The following CDCA7 variants were observed in gnomAD, a reference collection of about 807,000 sequenced individuals.
CDCA7 encodes the protein cell division cycle-associated protein 7.
In CDCA7, 28 loss-of-function variants were observed where a neutral mutation model predicts 54.0. The observed-to-expected ratio is 0.52, with a 90% CI of 0.38 to 0.71. CDCA7 has a LOEUF of 0.71. Among genes scored for constraint, CDCA7 ranks in the 30% least tolerant of loss-of-function variants. The pLI is 0.00. For missense variants in CDCA7, 484 were observed against 586.0 expected, an observed-to-expected ratio of 0.83 and a Z score of 1.80; for synonymous variants, 180 against 208.2, an observed-to-expected ratio of 0.86 and a Z score of 1.16.
chr2:173,355,706 G>A (rs1446702165), intron 1 of CDCA7, among the ~76,000 whole-genome samples: 1 of 137,240 alleles, frequency 7.3e-6, no homozygotes, highest in Non-Finnish European at 1.5e-5. Flanking sequence ...ACTCTTAGCT[G>A]CAGGACGTTG....
At chr2:173,358,652 A>T in intron 1 of CDCA7, 60 bp from the exon 2 acceptor site, 1 of 1,560,070 alleles carries the variant, frequency 6.4e-7, no homozygotes, top group Non-Finnish European at 8.7e-7. Context: ...AAAAAAAATG[A>T]TGTCTTTAGT....
In CDCA7 at chr2:173,367,930, C is replaced by T. The variant is rs540776245; in HGVS notation, c.*266C>T. The T allele has an allele frequency of 7.3e-4, 365 of 500,746 alleles. No homozygotes were observed. Among genetic ancestry groups the T allele is most frequent in the East Asian group, 8.5e-4 (27 of 31,746 alleles). The allele number at this position is 500,746 out of a possible 1,614,324, so 31.0% of individuals were successfully genotyped here. A position where few individuals can be genotyped will look rare whatever the true frequency, so the allele number is the denominator to read the frequency against. On this transcript the variant is annotated 3_prime_UTR_variant, in exon 10 of 10. Coordinates refer to ENST00000306721, the MANE Select transcript of CDCA7 (RefSeq NM_031942.5). ...TCTATTTCCAATGCTCCTCTCCAAC[C>T]GCTTAGTTTCTGAATTTCTTTTAAA...
At chr2:173,355,369 A>G (rs913472630) in intron 1 of CDCA7, among the ~76,000 whole-genome samples, 10 of 152,186 alleles carry the variant, frequency 6.6e-5, no homozygotes, top group African/African-American at 2.4e-4. Flanking sequence ...GCAGCGGCCC[A>G]GCCCTTTCCC....
In CDCA7 at chr2:173,366,279, G is replaced by A. The variant is rs377327972; in HGVS notation, c.1036-4G>A. On this transcript the variant is annotated splice_polypyrimidine_tract_variant and splice_region_variant and intron_variant, in intron 7 of 9. Coordinates refer to ENST00000306721, the MANE Select transcript of CDCA7 (RefSeq NM_031942.5). This position sits in a 1 kb window ranked among gnomAD's most constrained non-coding sequence, Gnocchi z 4.5. ...TGTTTTTTTTCTTAATGGCTTATTT[G>A]TAGGGCTCTACTTGTCATCAATGCC... 1.9e-6 allele frequency: 3 copies of A among 1,585,620 alleles called. No individual in the cohort carries two copies. The highest frequency in any genetic ancestry group is 2.6e-6 in the Non-Finnish European group (3 of 1,167,624).
At position 173,366,888 on chromosome 2, in the gene CDCA7, G is replaced by C. The variant is rs1015566594; in HGVS notation, c.1186-262G>C. On this transcript the variant is annotated intron_variant, in intron 8 of 9. Transcript: ENST00000306721. This position sits in a 1 kb window ranked among gnomAD's most constrained non-coding sequence, Gnocchi z 4.5. The stretch of plus-strand genomic sequence containing the variant: ...AGAACACAAATGAATTCAGAGGGAT[G>C]GTGCTGCATAGGCATGAGCCGCTTC... Among the ~76,000 whole-genome samples, 101 of 152,252 alleles carry C rather than the reference G, an allele frequency of 6.6e-4. 2 individuals carry two copies. Among genetic ancestry groups the C allele is most frequent in the African/African-American group, 2.2e-3 (91 of 41,554 alleles).
chr2:173,361,575 T>C (rs1686622263), intron 3 of CDCA7, among the ~76,000 whole-genome samples: 1 of 150,632 alleles, frequency 6.6e-6, no homozygotes, highest in Non-Finnish European at 1.5e-5. Context: ...TCTCAGCATC[T>C]GAGTAGCTGG....
At chr2:173,362,535 A>G (rs1404919079) in intron 3 of CDCA7, among the ~76,000 whole-genome samples, 3 of 151,630 alleles carry the variant, frequency 2.0e-5, no homozygotes, top group African/African-American at 4.8e-5. Context: ...TAATATTGCC[A>G]TAAACATTGA....
At chr2:173,356,796 C>G (rs919116183) in intron 1 of CDCA7, among the ~76,000 whole-genome samples, 3 of 152,190 alleles carry the variant, frequency 2.0e-5, no homozygotes, top group Non-Finnish European at 4.4e-5. Flanking sequence ...TGAGCCACCC[C>G]CCTACACATA....
intron 3 of CDCA7, 68 bp downstream of exon 3, chr2:173,359,559 A>T (rs1015478846): frequency 2.4e-5 from 33 of 1,401,928 alleles, no homozygotes; most frequent in South Asian, 1.4e-4. Context: ...ATTTTTAGAA[A>T]TTTTTTTCTT....
At chr2:173,362,754 T>TA (rs1378730882) in intron 3 of CDCA7, among the ~76,000 whole-genome samples, 1 of 151,006 alleles carries the variant, frequency 6.6e-6, no homozygotes, top group Non-Finnish European at 1.5e-5. Context: ...TTTGTATTTT[T>TA]TTTTGCAGAG....
rs1464391590 is a variant in CDCA7 at position 173,367,868 on chromosome 2, C to T, written c.*204C>T. On this transcript the variant is annotated 3_prime_UTR_variant, in exon 10 of 10. Coordinates refer to ENST00000306721, the MANE Select transcript of CDCA7 (RefSeq NM_031942.5). ...GTTACACTTTGCCCTCCTGCAGTTT[C>T]TTCTCTGCTCCCAACCCCCATCTCA... 1.6e-6 allele frequency: 1 copy of T among 607,768 alleles called. No individual in the cohort carries two copies. The highest frequency in any genetic ancestry group is 2.8e-5 in the East Asian group (1 of 36,190). 37.6% of individuals were successfully genotyped at this position (607,768 alleles called of 1,614,324 possible).
intron 1 of CDCA7, among the ~76,000 whole-genome samples, chr2:173,355,242 T>G (rs1303861765): frequency 6.6e-6 from 1 of 152,172 alleles, no homozygotes; most frequent in Non-Finnish European, 1.5e-5. Flanking sequence ...CTAGCAGCGC[T>G]GGAAAGCCCT....
chr2:173,367,047 A>G (rs1368755948), intron 8 of CDCA7, 103 bp from the exon 9 acceptor site: 6 of 1,453,586 alleles, frequency 4.1e-6, no homozygotes, highest in South Asian at 1.4e-5. Flanking sequence ...CCTATTAATC[A>G]TATAAATTTT....
rs956275667 is a variant in CDCA7, at chr2:173,367,017, A to G, written c.1186-133A>G. On this transcript the variant is annotated intron_variant, in intron 8 of 9. Coordinates refer to ENST00000306721, the MANE Select transcript of CDCA7 (RefSeq NM_031942.5). ...TGGAAGGAAGCATTAGGCATTAGGA[A>G]ACATTAGGCATGACTAATGCCTATT... The G allele has an allele frequency of 6.5e-5, 84 of 1,291,972 alleles. 1 individual carries two copies. In the Middle Eastern group the frequency reaches 1.3e-3, roughly 20 times the overall value. 80.0% of individuals were successfully genotyped at this position (1,291,972 alleles called of 1,614,324 possible). A position where few individuals can be genotyped will look rare whatever the true frequency, so the allele number is the denominator to read the frequency against.
chr2:173,363,103 A>G, intron 3 of CDCA7, 123 bp from the exon 4 acceptor site: 1 of 915,844 alleles, frequency 1.1e-6, no homozygotes, highest in Non-Finnish European at 1.7e-6. Context: ...TTTGTTACCC[A>G]GAGGTATCAA....
chr2:173,367,193 T>G lies in CDCA7; in HGVS notation c.1229T>G (p.Phe410Cys). 1 of 1,606,046 alleles carries G rather than the reference T, an allele frequency of 6.2e-7. No individual in the cohort carries two copies. The part of the protein sequence containing the change: ...PPCRGICNCS[F>C]CRQRDGRCAT... ...TGTCGAGGAATCTGCAACTGCAGTT[T>G]CTGCCGGCAGCGAGATGGACGGTGT... The change falls in exon 9 of 10, where the codon TTC becomes TGC. Residue 410 changes from phenylalanine (F) to cysteine (C), a missense_variant. Phe to Cys is a radical substitution (Grantham distance 205, BLOSUM62 -2). Coordinates refer to ENST00000306721, the MANE Select transcript of CDCA7 (RefSeq NM_031942.5).
At chr2:173,358,556 T>G (rs1686556801) in intron 1 of CDCA7, 156 bp from the exon 2 acceptor site, 1 of 742,184 alleles carries the variant, frequency 1.3e-6, no homozygotes, top group East Asian at 3.2e-5. Flanking sequence ...GAAAAAATTT[T>G]TTGTAGCAGT....
rs912282472 is a variant in CDCA7, at chr2:173,367,726, T to A, written c.*62T>A. 2 of 1,553,814 alleles carry A rather than the reference T, an allele frequency of 1.3e-6. No homozygotes were observed. Among genetic ancestry groups the A allele is most frequent in the Non-Finnish European group, 1.8e-6 (2 of 1,126,350 alleles). ...AATCTTTCTTGTAAAAGTTTCCAAT[T>A]TTTTCACTGAAACCTGAGTTAAAAA... On this transcript the variant is annotated 3_prime_UTR_variant, in exon 10 of 10. Transcript: ENST00000306721.
rs531529643 is a variant in CDCA7, at chr2:173,355,102, A to G, written c.21+118A>G. 7.8e-4 allele frequency: 889 copies of G among 1,143,248 alleles called. 3 individuals carry two copies. The African/African-American group carries it at 0.013, about 17-fold the overall frequency. 70.8% of individuals were successfully genotyped at this position (1,143,248 alleles called of 1,614,324 possible). A position where few individuals can be genotyped will look rare whatever the true frequency, so the allele number is the denominator to read the frequency against. ...CGCTGCCTTAACTGGTGGCCTGCCT[A>G]GGCGTTGCCCGCTTGGGCAAGCCCC... On this transcript the variant is annotated intron_variant, in intron 1 of 9. Transcript: ENST00000306721.
Sources: gnomAD v4.1 joint callset for allele counts (sites outside exome capture counted in the v4.1 genomes callset) on GRCh38, gnomAD v4.1.1 for gene constraint, Gnocchi (gnomAD v3.1) non-coding constraint, MANE v1.5 for transcripts, NCBI Gene and HGNC (gene_info 2026-07-23, HGNC 2026-07-21) for gene names.